The following CSMD1 variants were observed in gnomAD, a reference collection of about 807,000 sequenced individuals.
CSMD1 encodes CUB and sushi domain-containing protein 1.
Under a neutral mutation model 417.5 loss-of-function variants are expected in CSMD1, and 213 were observed. The ratio of observed to expected loss-of-function variants is 0.51; its 90% CI spans 0.46 to 0.57. The LOEUF is 0.57. CSMD1 is among the 20% of genes least tolerant of loss of function. The pLI is 0.00. For synonymous variants in CSMD1, 2,862 were observed against 1,736.8 expected (o/e 1.65, Z -16.11); for missense variants, 6,923 against 4,529.7 (o/e 1.53, Z -15.17).
At chr8:4,789,180 T>C (rs1210414498) in intron 1 of CSMD1, among the ~76,000 whole-genome samples, 7 of 152,352 alleles carry the variant, frequency 4.6e-5, no homozygotes, top group Non-Finnish European at 1.0e-4. Flanking sequence ...GAATGCTTTG[T>C]GCTTAGAAAA....
At chr8:4,149,941 G>C (rs1366890155) in intron 3 of CSMD1, among the ~76,000 whole-genome samples, 1 of 152,188 alleles carries the variant, frequency 6.6e-6, no homozygotes, top group Non-Finnish European at 1.5e-5. Context: ...GTGAACAACA[G>C]GAAATTCTGT....
intron 5 of CSMD1, among the ~76,000 whole-genome samples, chr8:3,819,265 G>T (rs1363946334): frequency 6.6e-6 from 1 of 152,106 alleles, no homozygotes; most frequent in Non-Finnish European, 1.5e-5. Flanking sequence ...ATACCTTTCA[G>T]TTATAAGGAA....
chr8:3,428,195 T>C (rs1357072262), intron 12 of CSMD1, among the ~76,000 whole-genome samples: 2 of 152,210 alleles, frequency 1.3e-5, no homozygotes, highest in Admixed American at 6.5e-5. Context: ...AAAAGTGATA[T>C]GTGAGCTACG....
At chr8:4,107,289 C>T (rs1052782648) in intron 3 of CSMD1, among the ~76,000 whole-genome samples, 82 of 152,328 alleles carry the variant, frequency 5.4e-4, no homozygotes, top group African/African-American at 1.5e-3. Context: ...CAACACGCTG[C>T]ACTGCCTCAT....
At chr8:3,577,076 G>T in intron 9 of CSMD1, among the ~76,000 whole-genome samples, 1 of 152,132 alleles carries the variant, frequency 6.6e-6, no homozygotes, top group East Asian at 1.9e-4. Flanking sequence ...CAATCCTACT[G>T]ACAAGGTGGG....
Position 3,781,723 on chromosome 8 carries a change from G to A in CSMD1, c.819-27681C>T, listed in dbSNP as rs150690434. Reference sequence around the variant, plus strand: ...GAGGTTCTAGGGTGTCCCCATGTGAGGGGGCCAATATTGCCCCTGACAATC... The same window carrying A: ...GAGGTTCTAGGGTGTCCCCATGTGAAGGGGCCAATATTGCCCCTGACAATC... On this transcript the variant is annotated intron_variant, in intron 5 of 69. Coordinates refer to ENST00000635120, the MANE Select transcript of CSMD1 (RefSeq NM_033225.6). Among the ~76,000 whole-genome samples, 580 of 152,292 alleles carry A rather than the reference G, an allele frequency of 3.8e-3. 4 individuals carry two copies. Among genetic ancestry groups the A allele is most frequent in the African/African-American group, 0.013 (540 of 41,578 alleles).
chr8:3,626,280 T>G (rs888735243), intron 7 of CSMD1, among the ~76,000 whole-genome samples: 4 of 152,174 alleles, frequency 2.6e-5, no homozygotes, highest in Admixed American at 2.6e-4. Flanking sequence ...TCTGCACATT[T>G]AAGAACTCTA....
chr8:4,183,488 C>CT (rs1030010624), intron 3 of CSMD1, among the ~76,000 whole-genome samples: 49 of 152,262 alleles, frequency 3.2e-4, no homozygotes, highest in African/African-American at 1.1e-3. Flanking sequence ...GGTGAAAACA[C>CT]TTTGCTTTTT....
intron 3 of CSMD1, among the ~76,000 whole-genome samples, chr8:4,414,872 G>C (rs1032422702): frequency 6.6e-6 from 1 of 152,080 alleles, no homozygotes; most frequent in African/African-American, 2.4e-5. Context: ...AGGCATATGA[G>C]GTGCCATCTA....
chr8:4,967,686 C>T (rs1809969929), intron 1 of CSMD1, among the ~76,000 whole-genome samples: 1 of 152,162 alleles, frequency 6.6e-6, no homozygotes, highest in African/African-American at 2.4e-5. Context: ...GCATACATTT[C>T]TTCCTCAAAT....
chr8:4,404,359 G>C (rs192714727), intron 3 of CSMD1, among the ~76,000 whole-genome samples: 5 of 152,240 alleles, frequency 3.3e-5, no homozygotes, highest in African/African-American at 9.6e-5. Flanking sequence ...TGAGCGCAGG[G>C]ATTTTGTGCT....
intron 1 of CSMD1, among the ~76,000 whole-genome samples, chr8:4,886,621 G>C (rs936774187): frequency 3.9e-5 from 6 of 151,904 alleles, no homozygotes; most frequent in African/African-American, 1.5e-4. Context: ...AAACTGTGAT[G>C]CCTGGGGTTT....
chr8:3,879,711 C>T lies in CSMD1; in HGVS notation c.818+118192G>A, dbSNP rs576830957. On this transcript the variant is annotated intron_variant, in intron 5 of 69. Transcript: ENST00000635120. ...TTCTCAGAAAAAAATGAAAGGCTAA[C>T]TCCTAACCTACATAGAAAAAGTGTT... Among the ~76,000 whole-genome samples, 3 of 149,052 alleles carry T rather than the reference C, an allele frequency of 2.0e-5. No homozygotes were observed. The South Asian group carries it at 6.4e-4, about 32-fold the overall frequency.
At chr8:3,037,668 A>G (rs1810782445) in intron 50 of CSMD1, among the ~76,000 whole-genome samples, 1 of 152,148 alleles carries the variant, frequency 6.6e-6, no homozygotes, top group Non-Finnish European at 1.5e-5. Flanking sequence ...TAAGGACAAA[A>G]GTTGTTTTTG....
At chr8:3,978,396 A>G (rs947891747) in intron 5 of CSMD1, among the ~76,000 whole-genome samples, 1 of 152,098 alleles carries the variant, frequency 6.6e-6, no homozygotes, top group African/African-American at 2.4e-5. Context: ...TAATTCATAG[A>G]TTTCTTCCAC....
At chr8:3,308,259 A>T in intron 24 of CSMD1, 53 bp downstream of exon 24, 3 of 1,407,184 alleles carry the variant, frequency 2.1e-6, no homozygotes, top group Non-Finnish European at 2.9e-6. Context: ...AACATGGTGC[A>T]AGCACCCTAA....
chr8:3,052,948 C>G (rs1811964152), intron 49 of CSMD1, among the ~76,000 whole-genome samples: 1 of 152,060 alleles, frequency 6.6e-6, no homozygotes, highest in African/African-American at 2.4e-5. Flanking sequence ...CACCACCATG[C>G]TGGCTAATTC....
At chr8:3,365,827 G>C (rs761233253) in intron 20 of CSMD1, among the ~76,000 whole-genome samples, 30 of 152,174 alleles carry the variant, frequency 2.0e-4, no homozygotes, top group Admixed American at 7.9e-4. Context: ...ATAATACAAG[G>C]ATTAGGGGTG....
At chr8:3,188,033 T>G (rs1420401397) in intron 35 of CSMD1, 68 bp from the exon 36 acceptor site, 18 of 1,167,386 alleles carry the variant, frequency 1.5e-5, no homozygotes, top group Non-Finnish European at 2.2e-5. Flanking sequence ...TTAGATGGGG[T>G]TTTGGGGTTT....
Sources: allele counts gnomAD v4.1 joint callset (sites outside exome capture counted in the v4.1 genomes callset), GRCh38; gene constraint gnomAD v4.1.1; transcripts MANE v1.5; gene names NCBI Gene and HGNC (gene_info 2026-07-23, HGNC 2026-07-21).